The following MIA3 variants were observed in gnomAD, a reference collection of about 807,000 sequenced individuals.
The protein encoded by MIA3 is MIA SH3 domain ER export factor 3.
In MIA3, 90 loss-of-function variants were observed where a neutral mutation model predicts 192.4. The ratio of observed to expected loss-of-function variants is 0.47; its 90% CI spans 0.39 to 0.56. MIA3 has a LOEUF of 0.56. Ranked by LOEUF, MIA3 falls within the 20% of genes least tolerant of loss-of-function variation. MIA3 has a pLI of 0.00. For synonymous variants in MIA3, 740 were observed against 792.8 expected (o/e 0.93, Z 1.12); for missense variants, 2,123 against 2,269.4 (o/e 0.94, Z 1.31).
chr1:222,631,727 A>G (rs1427152344), intron 4 of MIA3, among the ~76,000 whole-genome samples: 1 of 152,214 alleles, frequency 6.6e-6, no homozygotes, highest in Non-Finnish European at 1.5e-5. Flanking sequence ...AGTATTCGAA[A>G]GACATCTCAG....
rs557776318 is a variant in MIA3, at chr1:222,662,387, A to G, written c.5262+55A>G. ...ATTTCAGGAACATTTAGCTCTTCCT[A>G]CAACTCTCTCTTTGCCTCATCTCCT... On this transcript the variant is annotated intron_variant, in intron 26 of 27. Coordinates refer to ENST00000344922, the MANE Select transcript of MIA3 (RefSeq NM_198551.4). 3.8e-5 allele frequency: 60 copies of G among 1,588,802 alleles called. No individual in the cohort carries two copies. In the African/African-American group the frequency reaches 7.8e-4, roughly 21 times the overall value.
chr1:222,644,286 C>T, intron 6 of MIA3: 4 of 1,404,044 alleles, frequency 2.8e-6, no homozygotes, highest in Non-Finnish European at 3.7e-6. Context: ...TGAGGTGCGC[C>T]AGGGGCAGTG....
In MIA3 at chr1:222,663,991, TC is replaced by T; in HGVS notation, c.5263-6del. The T allele has an allele frequency of 1.2e-6, 2 of 1,606,686 alleles. No individual in the cohort carries two copies. Among genetic ancestry groups the T allele is most frequent in the South Asian group, 2.2e-5 (2 of 90,664 alleles). On this transcript the variant is annotated splice_polypyrimidine_tract_variant and splice_region_variant and intron_variant, in intron 26 of 27. Transcript: ENST00000344922. ...ATTTCAAAACTTCAATTGTTTCTAC[TC>T]TGCAGGTTAATATGGCTCCAAAAGG...
chr1:222,664,955 G>T, intron 27 of MIA3: 1 of 464,186 alleles, frequency 2.2e-6, no homozygotes, highest in Non-Finnish European at 4.4e-6. Context: ...GCATTCATTA[G>T]ACGAGGCTGA....
At chr1:222,653,683 G>T (rs541585374) in intron 15 of MIA3, among the ~76,000 whole-genome samples, 10 of 152,308 alleles carry the variant, frequency 6.6e-5, no homozygotes, top group African/African-American at 2.2e-4. Context: ...CTCAGTAGCT[G>T]TGTGGTTTTA....
chr1:222,623,547 T>C (rs1661974372), intron 2 of MIA3, among the ~76,000 whole-genome samples: 3 of 152,344 alleles, frequency 2.0e-5, no homozygotes, highest in Non-Finnish European at 2.9e-5. Context: ...TTTGGTTTCT[T>C]AGCATTTTAG....
intron 18 of MIA3, among the ~76,000 whole-genome samples, chr1:222,656,130 C>T (rs895202180): frequency 4.0e-4 from 60 of 151,824 alleles, no homozygotes; most frequent in African/African-American, 8.2e-4. Flanking sequence ...CCACCATGCC[C>T]GGCTAATTTT....
Position 222,664,041 on chromosome 1 carries a change from C to G in MIA3, c.5306C>G (p.Pro1769Arg), listed in dbSNP as rs772985170. 96 of 1,614,036 alleles carry G rather than the reference C, an allele frequency of 5.9e-5. No individual in the cohort carries two copies. The highest frequency in any genetic ancestry group is 8.1e-5 in the Non-Finnish European group (95 of 1,180,006). Residue 1769 changes from proline to arginine, a missense_variant, in exon 27 of 28, where the codon CCT becomes CGT. Pro to Arg is a moderately radical substitution (Grantham distance 103, BLOSUM62 -2). This residue lies in a region of MIA3 where 762 missense variants were observed against 856.4 expected (regional missense o/e 0.89). Transcript: ENST00000344922. Reference protein sequence around the residue: ...PKGPPPFPGVPLMSTPMGGPV... With the variant: ...PKGPPPFPGVRLMSTPMGGPV... Reference sequence around the variant, plus strand: ...GGGCCCCCTCCTTTCCCAGGAGTCCCTCTCATGAGCACCCCCATGGGAGGC... The same window carrying G: ...GGGCCCCCTCCTTTCCCAGGAGTCCGTCTCATGAGCACCCCCATGGGAGGC...
intron 18 of MIA3, among the ~76,000 whole-genome samples, chr1:222,656,114 C>T (rs1162663131): frequency 4.0e-5 from 6 of 151,656 alleles, no homozygotes; most frequent in South Asian, 2.1e-4. Flanking sequence ...GGACTACAGG[C>T]GCCCGCCACC....
chr1:222,647,604 AG>A (rs1663211126), intron 7 of MIA3, among the ~76,000 whole-genome samples: 1 of 152,156 alleles, frequency 6.6e-6, no homozygotes, highest in Admixed American at 6.5e-5. Context: ...GAAGGGGAAA[AG>A]TTGAAAACAT....
Position 222,662,328 on chromosome 1 carries a change from G to C in MIA3, c.5258G>C (p.Gly1753Ala), listed in dbSNP as rs1320417451. The C allele has an allele frequency of 9.3e-6, 15 of 1,613,542 alleles. No individual in the cohort carries two copies. The highest frequency in any genetic ancestry group is 1.3e-5 in the Non-Finnish European group (15 of 1,179,448). The change falls in exon 26 of 28, where the codon GGC becomes GCC. Residue 1753 changes from glycine to alanine, a missense_variant. This residue lies in a region of MIA3 where 762 missense variants were observed against 856.4 expected (regional missense o/e 0.89). Transcript: ENST00000344922. Reference sequence around the variant, plus strand: ...TCCCCTACCAGGGTACTCGATGAAGGCAAGGTAAATGCACCCATTTTGAAT... The same window carrying C: ...TCCCCTACCAGGGTACTCGATGAAGCCAAGGTAAATGCACCCATTTTGAAT... The part of the protein sequence containing the change: ...GSSPTRVLDE[G>A]KVNMAPKGPP...
chr1:222,655,687 T>TC (rs1481213119), intron 18 of MIA3, among the ~76,000 whole-genome samples: 1 of 152,242 alleles, frequency 6.6e-6, no homozygotes, highest in Non-Finnish European at 1.5e-5. Context: ...CCTGTCCTGC[T>TC]TCAGAGAGAC....
chr1:222,664,296 A>C, intron 27 of MIA3, 148 bp downstream of exon 27: 1 of 802,056 alleles, frequency 1.2e-6, no homozygotes, highest in East Asian at 2.5e-5. Flanking sequence ...AAGTTTCTTC[A>C]GACACAAAGG....
chr1:222,665,043 C>A (rs1026879988), intron 27 of MIA3: 1 of 445,038 alleles, frequency 2.2e-6, no homozygotes, highest in Non-Finnish European at 4.2e-6. Flanking sequence ...TACAAAAAAT[C>A]CAAAAATTAG....
intron 18 of MIA3, among the ~76,000 whole-genome samples, chr1:222,656,627 G>A (rs1269722269): frequency 6.6e-6 from 1 of 151,876 alleles, no homozygotes; most frequent in East Asian, 1.9e-4. Flanking sequence ...TACTGCTTGA[G>A]GTTATAAACA....
intron 1 of MIA3, among the ~76,000 whole-genome samples, chr1:222,620,224 G>A (rs1317100040): frequency 6.6e-6 from 1 of 151,830 alleles, no homozygotes; most frequent in Non-Finnish European, 1.5e-5. Flanking sequence ...ATTTCTATTC[G>A]TCCTTCTTTG....
Position 222,652,257 on chromosome 1 carries a change from T to A in MIA3, c.4011T>A (p.Leu1337=). Residue 1337 remains leucine, a synonymous_variant, in exon 13 of 28, where the codon CTT becomes CTA. Coordinates refer to ENST00000344922, the MANE Select transcript of MIA3 (RefSeq NM_198551.4). The part of the protein sequence containing the change: ...EVQIALNEAK[L]SEEKVKSECH... ...AGATTGCACTTAATGAAGCTAAGCT[T>A]AGTGAAGAGAAGGTGAAGTCTGAAT... The A allele has an allele frequency of 6.2e-7, 1 of 1,613,750 alleles. No homozygotes were observed. The highest frequency in any genetic ancestry group is 8.5e-7 in the Non-Finnish European group (1 of 1,179,696).
intron 5 of MIA3, among the ~76,000 whole-genome samples, chr1:222,632,740 A>G (rs1662455360): frequency 6.6e-6 from 1 of 152,218 alleles, no homozygotes; most frequent in Non-Finnish European, 1.5e-5. Flanking sequence ...TAAAACTCAC[A>G]AATTCTGTTT....
Position 222,662,340 on chromosome 1 carries a change from C to T in MIA3, c.5262+8C>T, listed in dbSNP as rs766052619. On this transcript the variant is annotated splice_region_variant and intron_variant, in intron 26 of 27. Coordinates refer to ENST00000344922, the MANE Select transcript of MIA3 (RefSeq NM_198551.4). ...GTACTCGATGAAGGCAAGGTAAATG[C>T]ACCCATTTTGAATAATTAGTTATTT... 1.2e-6 allele frequency: 2 copies of T among 1,610,608 alleles called. No homozygotes were observed. Among genetic ancestry groups the T allele is most frequent in the East Asian group, 2.2e-5 (1 of 44,866 alleles).
Sources: allele counts gnomAD v4.1 joint callset (sites outside exome capture counted in the v4.1 genomes callset), GRCh38; gene constraint gnomAD v4.1.1; regional missense constraint gnomAD v4.1.1; transcripts MANE v1.5; gene names NCBI Gene and HGNC (gene_info 2026-07-23, HGNC 2026-07-21).